SLC60A2: variants seen among roughly 807,000 people sequenced by gnomAD.
The protein encoded by SLC60A2 is solute carrier family 60 member 2, also known as major facilitator superfamily domain containing 4B.
chr6:111,275,076 C>T, the SLC60A2 span, among the ~76,000 whole-genome samples: 4 of 141,924 alleles, frequency 2.8e-5, no homozygotes, highest in African/African-American at 1.0e-4. Flanking sequence ...TTGCATGCCA[C>T]CTTACCTGGC....
chr6:111,269,482 G>A, the SLC60A2 span: 1 of 152,342 alleles, frequency 6.6e-6, no homozygotes, highest in East Asian at 1.9e-4. Flanking sequence ...TTACAGGCAT[G>A]AGCCACTGTG....
the SLC60A2 span, chr6:111,267,255 A>AT: frequency 1.3e-6 from 1 of 792,648 alleles, no homozygotes; most frequent in Non-Finnish European, 1.9e-6. Flanking sequence ...AATGCTAAAA[A>AT]TTTTTGAAAT....
At chr6:111,270,128 T>G in the SLC60A2 span, 1 of 152,166 alleles carries the variant, frequency 6.6e-6, no homozygotes, top group Admixed American at 6.5e-5. Context: ...CATGTGGCCT[T>G]CTCACAGATG....
the SLC60A2 span, among the ~76,000 whole-genome samples, chr6:111,273,069 G>A: frequency 6.6e-6 from 1 of 152,192 alleles, no homozygotes; most frequent in African/African-American, 2.4e-5. Context: ...GACCTCAGGT[G>A]ATCCACTTGC....
chr6:111,272,158 A>G, the SLC60A2 span, among the ~76,000 whole-genome samples: 5 of 152,072 alleles, frequency 3.3e-5, no homozygotes, highest in Admixed American at 2.0e-4. Flanking sequence ...TTGTGCAACC[A>G]TGCCTGGCTA....
chr6:111,279,331 A>T, the SLC60A2 span, among the ~76,000 whole-genome samples: 1 of 149,424 alleles, frequency 6.7e-6, no homozygotes, highest in South Asian at 2.1e-4. Flanking sequence ...GCGCTATCTC[A>T]GCTCACTGCA....
the SLC60A2 span, chr6:111,263,811 T>C: frequency 8.8e-6 from 12 of 1,366,306 alleles, no homozygotes; most frequent in Non-Finnish European, 1.3e-5. Flanking sequence ...TTTTTATAGC[T>C]GAGTTTCTAC....
At chr6:111,266,625 G>C in the SLC60A2 span, 2 of 1,614,006 alleles carry the variant, frequency 1.2e-6, no homozygotes, top group Non-Finnish European at 1.7e-6. Context: ...TGGGAAATCT[G>C]CAGCATTTTT....
chr6:111,265,434 A>G, the SLC60A2 span: 16 of 974,496 alleles, frequency 1.6e-5, no homozygotes, highest in Non-Finnish European at 1.8e-5. Flanking sequence ...TGTTACATAC[A>G]TAAGTAAGTA....
chr6:111,260,698 ACT>A, the SLC60A2 span, among the ~76,000 whole-genome samples: 2 of 151,904 alleles, frequency 1.3e-5, no homozygotes, highest in Non-Finnish European at 2.9e-5. Context: ...CATCTCAGGG[ACT>A]CTGAGCCACA....
chr6:111,270,070 T>G, the SLC60A2 span: 13 of 148,280 alleles, frequency 8.8e-5, no homozygotes, highest in African/African-American at 2.9e-4. Context: ...TCTTGCTGAC[T>G]GTCAGCTGGG....
At chr6:111,272,347 A>AGCAG in the SLC60A2 span, among the ~76,000 whole-genome samples, 1 of 152,174 alleles carries the variant, frequency 6.6e-6, no homozygotes, top group South Asian at 2.1e-4. Context: ...TAGTGATCAA[A>AGCAG]GCAGGGTAAT....
chr6:111,263,761 T>G, the SLC60A2 span: 1 of 784,140 alleles, frequency 1.3e-6, no homozygotes, highest in Non-Finnish European at 2.2e-6. Flanking sequence ...TGTTTGGACA[T>G]TTATGATATT....
At chr6:111,261,013 G>A in the SLC60A2 span, among the ~76,000 whole-genome samples, 1 of 152,200 alleles carries the variant, frequency 6.6e-6, no homozygotes, top group Non-Finnish European at 1.5e-5. Context: ...AGACTGATTG[G>A]AAACATTTTT....
chr6:111,261,404 C>T, the SLC60A2 span, among the ~76,000 whole-genome samples: 1 of 152,180 alleles, frequency 6.6e-6, no homozygotes, highest in East Asian at 1.9e-4. Flanking sequence ...CCTTCCATCT[C>T]AGCCTCCCTA....
At chr6:111,277,429 A>G in the SLC60A2 span, among the ~76,000 whole-genome samples, 2 of 152,346 alleles carry the variant, frequency 1.3e-5, no homozygotes, top group African/African-American at 4.8e-5. Context: ...TGCAAGAGAT[A>G]TTATTACAGT....
At chr6:111,265,172 C>A in the SLC60A2 span, 3 of 548,676 alleles carry the variant, frequency 5.5e-6, no homozygotes, top group African/African-American at 2.1e-5. Context: ...TTTGCTGTTA[C>A]GTGATCTGTT....
chr6:111,264,179 T>C, the SLC60A2 span, among the ~76,000 whole-genome samples: 15,554 of 152,262 alleles, frequency 0.1, 1,013 homozygotes, highest in Middle Eastern at 0.19. Context: ...CTATGAGAGA[T>C]AATTGATTTA....
chr6:111,273,301 A>G, the SLC60A2 span, among the ~76,000 whole-genome samples: 2,273 of 151,976 alleles, frequency 0.015, 33 homozygotes, highest in Non-Finnish European at 0.026. Flanking sequence ...AGGTGTCACT[A>G]TGCTTATTAT....
Sources: gnomAD v4.1 joint callset for allele counts (sites outside exome capture counted in the v4.1 genomes callset) on GRCh38, gnomAD v4.1.1 for gene constraint, MANE v1.5 for transcripts, NCBI Gene and HGNC (gene_info 2026-07-23, HGNC 2026-07-21) for gene names.